The following IL7R variants were observed in gnomAD, a reference collection of about 807,000 sequenced individuals.
IL7R encodes interleukin 7 receptor.
In IL7R, 38 loss-of-function variants were observed where a neutral mutation model predicts 47.0. That is an observed-to-expected ratio of 0.81 (90% CI 0.62 to 1.06). The LOEUF (loss-of-function observed/expected upper bound fraction) is 1.06, where lower values mean the gene tolerates loss of function less well. Among genes scored for constraint, IL7R ranks in the 50% least tolerant of loss-of-function variants. The pLI, the probability that IL7R is intolerant of heterozygous loss-of-function variation, is 0.00. For missense variants in IL7R, 633 were observed against 534.8 expected (o/e 1.18, Z -1.81); for synonymous variants, 221 against 199.8 (o/e 1.11, Z -0.89).
Position 35,879,491 on chromosome 5 carries a change from T to C in IL7R, c.*3005T>C, listed in dbSNP as rs956253411. 15 of 232,078 alleles carry C rather than the reference T, an allele frequency of 6.5e-5. No individual in the cohort carries two copies. Among genetic ancestry groups the C allele is most frequent in the African/African-American group, 8.8e-5 (4 of 45,204 alleles). 14.4% of individuals were successfully genotyped at this position (232,078 alleles called of 1,614,324 possible). A position where few individuals can be genotyped will look rare whatever the true frequency, so the allele number is the denominator to read the frequency against. ...GTTCACTACAGTGAAGATCTCTGATTTAACCGTGTACTATCCACATGCATT... is the reference window on the plus strand; with the variant it reads ...GTTCACTACAGTGAAGATCTCTGATCTAACCGTGTACTATCCACATGCATT... On this transcript the variant is annotated 3_prime_UTR_variant, in exon 8 of 8. Transcript: ENST00000303115.
In IL7R at chr5:35,879,429, TG is replaced by T. The variant is rs1760298249; in HGVS notation, c.*2945del. 4.3e-6 allele frequency: 1 copy of T among 232,832 alleles called. No individual in the cohort carries two copies. Among genetic ancestry groups the T allele is most frequent in the African/African-American group, 2.2e-5 (1 of 45,328 alleles). The allele number at this position is 232,832 out of a possible 1,614,324, so 14.4% of individuals were successfully genotyped here. The stretch of plus-strand genomic sequence containing the variant: ...TTAGGTGGCATTTTTGTCAGCTCTG[TG>T]GTTTATTGTTGGGACTATTCTTTAA... On this transcript the variant is annotated 3_prime_UTR_variant, in exon 8 of 8. Coordinates refer to ENST00000303115, the MANE Select transcript of IL7R (RefSeq NM_002185.5).
At chr5:35,863,786 C>T (rs1342521460) in intron 2 of IL7R, among the ~76,000 whole-genome samples, 2 of 152,086 alleles carry the variant, frequency 1.3e-5, no homozygotes, top group Non-Finnish European at 2.9e-5. Context: ...GAAAATAACC[C>T]TATGATATTA....
intron 3 of IL7R, 94 bp from the exon 4 acceptor site, chr5:35,870,962 G>C: frequency 2.7e-6 from 3 of 1,112,546 alleles, no homozygotes; most frequent in South Asian, 2.5e-5. Context: ...ACACAAAAAG[G>C]GTCAAAGTGA....
intron 5 of IL7R, 151 bp downstream of exon 5, chr5:35,873,799 G>A: frequency 1.3e-6 from 1 of 768,688 alleles, no homozygotes; most frequent in Non-Finnish European, 2.3e-6. Flanking sequence ...TGACTTGCCT[G>A]CTGTCTTTGC....
chr5:35,867,668 A>G (rs561365842), intron 3 of IL7R: 71 of 643,862 alleles, frequency 1.1e-4, no homozygotes, highest in South Asian at 1.1e-3. Flanking sequence ...AGGATCTTCA[A>G]ACCCAGGTGT....
At position 35,876,436 on chromosome 5, in the gene IL7R, A is replaced by T. The variant is rs1019510384; in HGVS notation, c.1330A>T (p.Asn444Tyr). 4 of 1,608,798 alleles carry T rather than the reference A, an allele frequency of 2.5e-6. 1 individual carries two copies. In the Admixed American group the frequency reaches 5.0e-5, roughly 20 times the overall value. The part of the protein sequence containing the change: ...GQPILTSLGS[N>Y]QEEAYVTMSS... ...GCCCATTCTTACTTCCCTGGGATCAAATCAAGAAGAAGCATATGTCACCAT... is the reference window on the plus strand; with the variant it reads ...GCCCATTCTTACTTCCCTGGGATCATATCAAGAAGAAGCATATGTCACCAT... Residue 444 changes from asparagine to tyrosine, a missense_variant, in exon 8 of 8, where the codon AAT becomes TAT. Physicochemically the swap from Asn to Tyr is moderately radical, Grantham distance 143. Coordinates refer to ENST00000303115, the MANE Select transcript of IL7R (RefSeq NM_002185.5).
At position 35,875,969 on chromosome 5, in the gene IL7R, C is replaced by A. The variant is rs1225375617; in HGVS notation, c.877-14C>A. On this transcript the variant is annotated splice_polypyrimidine_tract_variant and intron_variant, in intron 7 of 7. Transcript: ENST00000303115. ...TGGTGCCATCTTAATACCCTTTCTC[C>A]TTTTTCTGTGCAGAATTTAAATGTG... is the stretch of plus-strand genomic sequence containing the variant. The A allele has an allele frequency of 6.2e-7, 1 of 1,609,040 alleles. No homozygotes were observed. Among genetic ancestry groups the A allele is most frequent in the Non-Finnish European group, 8.5e-7 (1 of 1,179,874 alleles).
At chr5:35,874,726 T>TA (rs1278628294) in intron 6 of IL7R, among the ~76,000 whole-genome samples, 184 bp downstream of exon 6, 1 of 152,214 alleles carries the variant, frequency 6.6e-6, no homozygotes, top group Non-Finnish European at 1.5e-5. Flanking sequence ...AAAAAGATAT[T>TA]AACTGGACAT....
At position 35,876,818 on chromosome 5, in the gene IL7R, GGAAA is replaced by G. The variant is rs397691511; in HGVS notation, c.*342_*345del. On this transcript the variant is annotated 3_prime_UTR_variant, in exon 8 of 8. Coordinates refer to ENST00000303115, the MANE Select transcript of IL7R (RefSeq NM_002185.5). ...AGGAAGGCAGGAAGAGAGCATGAGA[GGAAA>G]GAAAGAAAGGAAAATAAAAAATGAT... 8.3e-6 allele frequency: 3 copies of G among 360,748 alleles called. No individual in the cohort carries two copies. Among genetic ancestry groups the G allele is most frequent in the East Asian group, 4.4e-5 (1 of 22,710 alleles). The allele number at this position is 360,748 out of a possible 1,614,324, so 22.3% of individuals were successfully genotyped here. A position where few individuals can be genotyped will look rare whatever the true frequency, so the allele number is the denominator to read the frequency against.
At chr5:35,859,452 C>T (rs557408800) in intron 1 of IL7R, among the ~76,000 whole-genome samples, 24 of 152,212 alleles carry the variant, frequency 1.6e-4, no homozygotes, top group Non-Finnish European at 2.6e-4. Context: ...CTCATTATTT[C>T]GTGCTGTCAT....
At chr5:35,867,565 A>G in intron 3 of IL7R, 102 bp downstream of exon 3, 1 of 890,436 alleles carries the variant, frequency 1.1e-6, no homozygotes, top group Non-Finnish European at 1.9e-6. Context: ...AGTGGAAACA[A>G]CTGGCAATAG....
Position 35,856,941 on chromosome 5 carries a change from G to T in IL7R, c.-37G>T. 1.7e-6 allele frequency: 2 copies of T among 1,172,426 alleles called. No homozygotes were observed. 72.6% of individuals were successfully genotyped at this position (1,172,426 alleles called of 1,614,324 possible). A position where few individuals can be genotyped will look rare whatever the true frequency, so the allele number is the denominator to read the frequency against. On this transcript the variant is annotated 5_prime_UTR_variant, in exon 1 of 8. Transcript: ENST00000303115. ...ACTCTCATTCATTTCATACACACTG[G>T]CTCACACATCTACTCTCTCTCTCTA...
chr5:35,874,611 T>G, intron 6 of IL7R, 69 bp downstream of exon 6: 1 of 1,183,518 alleles, frequency 8.4e-7, no homozygotes, highest in Non-Finnish European at 1.3e-6. Flanking sequence ...TAAGCCCCAT[T>G]TATTGATGAG....
At chr5:35,861,116 C>T in intron 2 of IL7R, 126 bp downstream of exon 2, 12 of 1,005,556 alleles carry the variant, frequency 1.2e-5, no homozygotes, top group Non-Finnish European at 1.9e-5. Flanking sequence ...TAAGGAATTC[C>T]CAAAGGCCTC....
intron 4 of IL7R, among the ~76,000 whole-genome samples, chr5:35,872,489 C>A (rs901600777): frequency 4.0e-5 from 6 of 151,824 alleles, no homozygotes; most frequent in Non-Finnish European, 7.4e-5. Flanking sequence ...TAAGCCAACA[C>A]GCCAGCCAAA....
Position 35,871,056 on chromosome 5 carries a change from T to G in IL7R, c.380T>G (p.Val127Gly), listed in dbSNP as rs751109965. The G allele has an allele frequency of 1.6e-5, 26 of 1,612,366 alleles. No homozygotes were observed. The South Asian group carries it at 2.7e-4, about 17-fold the overall frequency. Residue 127 changes from valine (V) to glycine (G), a missense_variant and splice_region_variant, in exon 4 of 8, where the codon GTT (valine) becomes GGT (glycine). Transcript: ENST00000303115. ...GAATTTATTTCTTTTTCTTTTCCAG[T>G]TAAACCTGAGGCTCCTTTTGACCTG... ...TCKKIDLTTI[V>G]KPEAPFDLSV...
At chr5:35,862,322 G>A (rs1219976249) in intron 2 of IL7R, among the ~76,000 whole-genome samples, 1 of 152,080 alleles carries the variant, frequency 6.6e-6, no homozygotes, top group African/African-American at 2.4e-5. Context: ...GCTGGCTGGT[G>A]GGCTGAGTGT....
chr5:35,873,200 A>G (rs1760116683), intron 4 of IL7R: 1 of 458,662 alleles, frequency 2.2e-6, no homozygotes, highest in Non-Finnish European at 4.0e-6. Flanking sequence ...AAGATATTGA[A>G]GTGTGGAAAG....
At chr5:35,865,501 T>C (rs529251195) in intron 2 of IL7R, among the ~76,000 whole-genome samples, 6 of 152,194 alleles carry the variant, frequency 3.9e-5, no homozygotes, top group Non-Finnish European at 8.8e-5. Flanking sequence ...GGTCAAATAG[T>C]ATTTCTAGCT....
Sources: gnomAD v4.1 joint callset for allele counts (sites outside exome capture counted in the v4.1 genomes callset) on GRCh38, gnomAD v4.1.1 for gene constraint, MANE v1.5 for transcripts, NCBI Gene and HGNC (gene_info 2026-07-23, HGNC 2026-07-21) for gene names.